ACSM6: variants seen among roughly 807,000 people sequenced by gnomAD.
ACSM6 encodes the protein acyl-coenzyme A synthetase ACSM6, mitochondrial.
A neutral mutation model predicts 51.1 loss-of-function variants in ACSM6; 35 were observed. That is an observed-to-expected ratio of 0.69 (90% CI 0.52 to 0.91). ACSM6 has a LOEUF of 0.91. Ranked by LOEUF, ACSM6 falls within the 40% of genes least tolerant of loss-of-function variation. The probability of loss-of-function intolerance (pLI) is 0.00; values close to 1 mark genes in which losing one functional copy is unlikely to be tolerated. For missense variants in ACSM6, 509 were observed against 584.1 expected (o/e 0.87, Z 1.32); for synonymous variants, 172 against 207.3 (o/e 0.83, Z 1.46).
Position 95,202,116 on chromosome 10 carries a change from T to TA in ACSM6, c.325dup (p.Ser109LysfsTer15). ...GCATCCTCTCAGACACCTGTGCCCTTAGCCATGGAGACCGGCTGATGATAA... is the reference window on the plus strand; with the variant it reads ...GCATCCTCTCAGACACCTGTGCCCTTAAGCCATGGAGACCGGCTGATGATAA... On this transcript the variant is annotated frameshift_variant, in exon 3 of 11. Coordinates refer to ENST00000341686, the Ensembl canonical transcript of ACSM6. LOFTEE classifies it high-confidence loss of function. The TA allele has an allele frequency of 1.3e-6, 2 of 1,552,248 alleles. No individual in the cohort carries two copies. Among genetic ancestry groups the TA allele is most frequent in the South Asian group, 2.4e-5 (2 of 84,054 alleles).
At chr10:95,207,444 A>G (rs765262146) in intron 4 of ACSM6, 29 bp downstream of exon 4, 3 of 1,591,546 alleles carry the variant, frequency 1.9e-6, no homozygotes, top group Non-Finnish European at 2.6e-6. Flanking sequence ...TGAGATGCTT[A>G]AATGAAGGAA....
chr10:95,223,769 T>C (rs1049966652), intron 9 of ACSM6, among the ~76,000 whole-genome samples: 12 of 151,314 alleles, frequency 7.9e-5, no homozygotes, highest in African/African-American at 2.9e-4. Flanking sequence ...TCAGGACTTA[T>C]GAGAATATTC....
At chr10:95,228,706 G>A in exon 11 of ACSM6, 1 of 1,551,884 alleles carries the variant, frequency 6.4e-7, no homozygotes, top group Non-Finnish European at 8.7e-7. Flanking sequence ...GTGACAGAGG[G>A]ATCATGGATG....
At chr10:95,214,900 C>A (rs2034929090) in exon 8 of ACSM6, 5 of 1,551,466 alleles carry the variant, frequency 3.2e-6, no homozygotes, top group Non-Finnish European at 4.4e-6. Flanking sequence ...GAGGACCCAT[C>A]AGCCCTGGGG....
At chr10:95,218,570 C>A (rs1280130839) in intron 8 of ACSM6, among the ~76,000 whole-genome samples, 1 of 152,216 alleles carries the variant, frequency 6.6e-6, no homozygotes, top group African/African-American at 2.4e-5. Flanking sequence ...TTAACACCAG[C>A]AACTCTGGAG....
chr10:95,199,491 A>T (rs1293806604), intron 2 of ACSM6, among the ~76,000 whole-genome samples: 1 of 152,066 alleles, frequency 6.6e-6, no homozygotes, highest in Non-Finnish European at 1.5e-5. Flanking sequence ...AAAAGCCAAA[A>T]TTGACAAATG....
At chr10:95,209,012 C>G (rs1396310624) in intron 4 of ACSM6, among the ~76,000 whole-genome samples, 1 of 123,822 alleles carries the variant, frequency 8.1e-6, no homozygotes, top group Non-Finnish European at 1.7e-5. Context: ...ATATTATAGA[C>G]AACAAATAGA....
Position 95,224,550 on chromosome 10 carries a change from G to A in ACSM6, c.1201-740G>A, listed in dbSNP as rs187895469. On this transcript the variant is annotated intron_variant, in intron 9 of 10. Coordinates refer to ENST00000341686, the Ensembl canonical transcript of ACSM6. Reference sequence around the variant, plus strand: ...CAAGTAGCTGGGATTATAGGCATGCGCCACCACGCCCAGCTAATTTTGTAT... The same window carrying A: ...CAAGTAGCTGGGATTATAGGCATGCACCACCACGCCCAGCTAATTTTGTAT... 1.9e-3 allele frequency among the ~76,000 whole-genome samples: 294 copies of A among 152,282 alleles called. 10 individuals are homozygous for A. The East Asian group carries it at 0.049, about 25-fold the overall frequency.
At chr10:95,217,494 C>A (rs2034958677) in intron 8 of ACSM6, among the ~76,000 whole-genome samples, 1 of 146,678 alleles carries the variant, frequency 6.8e-6, no homozygotes, top group Non-Finnish European at 1.5e-5. Context: ...GTTTTTAAAA[C>A]ATTCAAATAG....
exon 8 of ACSM6, chr10:95,214,877 T>G (rs759027895): frequency 6.4e-7 from 1 of 1,551,444 alleles, no homozygotes; most frequent in Non-Finnish European, 8.7e-7. Flanking sequence ...TCTGAAGCAG[T>G]GTGTGGCTGC....
exon 6 of ACSM6, chr10:95,211,914 G>C (rs753536636): frequency 1.2e-6 from 2 of 1,613,020 alleles, no homozygotes; most frequent in African/African-American, 2.7e-5. Flanking sequence ...ATGTCTTGTG[G>C]AGTCTGGGTG....
At chr10:95,214,716 A>T in intron 7 of ACSM6, 136 bp from the exon 8 acceptor site, 1 of 971,518 alleles carries the variant, frequency 1.0e-6, no homozygotes, top group Non-Finnish European at 1.5e-6. Context: ...GAGTAGTATT[A>T]AGAACATCAA....
chr10:95,200,448 G>T (rs2034780572), intron 2 of ACSM6, among the ~76,000 whole-genome samples: 1 of 151,308 alleles, frequency 6.6e-6, no homozygotes, highest in Admixed American at 6.6e-5. Flanking sequence ...GTATACACAT[G>T]TAACAAACCT....
exon 11 of ACSM6, chr10:95,228,800 C>T: frequency 6.5e-7 from 1 of 1,549,350 alleles, no homozygotes; most frequent in African/African-American, 1.4e-5. Flanking sequence ...TTGGTTATTG[C>T]TATTGAGCCT....
chr10:95,223,692 A>G (rs611343), intron 9 of ACSM6, among the ~76,000 whole-genome samples: 79,890 of 151,844 alleles, frequency 0.53, 21,928 homozygotes, highest in Middle Eastern at 0.66. Context: ...CCTGACAAAG[A>G]GCATACAGAA....
At chr10:95,196,240 C>A (rs1322793227) in intron 2 of ACSM6, among the ~76,000 whole-genome samples, 1 of 152,178 alleles carries the variant, frequency 6.6e-6, no homozygotes, top group Non-Finnish European at 1.5e-5. Context: ...CCAGCTGGGC[C>A]CTACCCAGCA....
chr10:95,222,294 T>C (rs1400788528), intron 9 of ACSM6, among the ~76,000 whole-genome samples: 4 of 152,106 alleles, frequency 2.6e-5, no homozygotes, highest in Admixed American at 6.6e-5. Context: ...GTTGTGTTTC[T>C]ATACACTACA....
intron 4 of ACSM6, among the ~76,000 whole-genome samples, chr10:95,208,444 A>G (rs2034864026): frequency 6.6e-6 from 1 of 152,138 alleles, no homozygotes; most frequent in South Asian, 2.1e-4. Context: ...TATCCACGTA[A>G]CAAAACTGCA....
intron 7 of ACSM6, among the ~76,000 whole-genome samples, chr10:95,214,364 T>C (rs2034922979): frequency 1.4e-5 from 2 of 143,746 alleles, no homozygotes; most frequent in African/African-American, 2.6e-5. Flanking sequence ...TGTGGGTTTA[T>C]AAAAAATGCT....
Sources: allele counts gnomAD v4.1 joint callset (sites outside exome capture counted in the v4.1 genomes callset), GRCh38; gene constraint gnomAD v4.1.1; transcripts MANE v1.5; gene names NCBI Gene and HGNC (gene_info 2026-07-23, HGNC 2026-07-21).